KLHL1: variants seen among roughly 807,000 people sequenced by gnomAD.
KLHL1 encodes kelch-like protein 1.
A neutral mutation model predicts 77.7 loss-of-function variants in KLHL1; 47 were observed. The observed-to-expected ratio is 0.60, with a 90% CI of 0.48 to 0.77. The LOEUF is 0.77. Ranked by LOEUF, KLHL1 falls within the 30% of genes least tolerant of loss-of-function variation. The pLI is 0.00. For missense variants in KLHL1, 925 were observed against 910.8 expected, an observed-to-expected ratio of 1.02 and a Z score of -0.20; for synonymous variants, 360 against 325.2, an observed-to-expected ratio of 1.11 and a Z score of -1.15.
At chr13:70,000,511 A>G (rs2137324701) in intron 1 of KLHL1, among the ~76,000 whole-genome samples, 1 of 152,128 alleles carries the variant, frequency 6.6e-6, no homozygotes, top group South Asian at 2.1e-4. Context: ...ACTATTGCAT[A>G]TCAAAGTTTG....
intron 5 of KLHL1, among the ~76,000 whole-genome samples, chr13:69,855,962 A>T (rs1879903205): frequency 6.8e-6 from 1 of 147,448 alleles, no homozygotes; most frequent in Non-Finnish European, 1.5e-5. Context: ...ATGTTATAAC[A>T]TATATAATAT....
At chr13:70,039,433 T>C (rs977666637) in intron 1 of KLHL1, among the ~76,000 whole-genome samples, 1 of 152,224 alleles carries the variant, frequency 6.6e-6, no homozygotes, top group East Asian at 1.9e-4. Context: ...GAGTTTTGAG[T>C]GTCCTTTCAT....
chr13:69,965,389 C>T (rs937644175), intron 2 of KLHL1, among the ~76,000 whole-genome samples: 15 of 152,104 alleles, frequency 9.9e-5, no homozygotes, highest in Non-Finnish European at 1.3e-4. Context: ...TCTTGTTTGG[C>T]GGTGTCATAA....
At chr13:70,066,459 G>C (rs1887007287) in intron 1 of KLHL1, among the ~76,000 whole-genome samples, 1 of 152,162 alleles carries the variant, frequency 6.6e-6, no homozygotes, top group African/African-American at 2.4e-5. Flanking sequence ...TTTGATGCGT[G>C]ATTTATATAC....
chr13:69,967,603 C>G (rs559790660), intron 2 of KLHL1, among the ~76,000 whole-genome samples: 3 of 152,124 alleles, frequency 2.0e-5, no homozygotes, highest in Non-Finnish European at 4.4e-5. Flanking sequence ...TATTACACAA[C>G]CTGGTGGGGC....
intron 8 of KLHL1, among the ~76,000 whole-genome samples, chr13:69,731,395 G>T (rs2137914565): frequency 6.6e-6 from 1 of 152,232 alleles, no homozygotes; most frequent in Non-Finnish European, 1.5e-5. Context: ...AGAAGGTAAT[G>T]GAAGAACAAC....
chr13:69,704,572 A>G (rs1159520720), intron 10 of KLHL1, among the ~76,000 whole-genome samples: 1 of 151,756 alleles, frequency 6.6e-6, no homozygotes, highest in Admixed American at 6.6e-5. Context: ...TATTTCCTGA[A>G]AGAAGATTTC....
At chr13:70,099,117 A>G (rs1887862904) in intron 1 of KLHL1, among the ~76,000 whole-genome samples, 1 of 151,912 alleles carries the variant, frequency 6.6e-6, no homozygotes, top group African/African-American at 2.4e-5. Flanking sequence ...TACTTACACT[A>G]TTCTCTCTGA....
chr13:70,058,984 G>A (rs1404154571), intron 1 of KLHL1, among the ~76,000 whole-genome samples: 1 of 152,062 alleles, frequency 6.6e-6, no homozygotes, highest in Non-Finnish European at 1.5e-5. Context: ...TCAATAAATG[G>A]TGATGGGAAA....
Position 69,701,608 on chromosome 13 carries a change from A to G in KLHL1, c.*94T>C, listed in dbSNP as rs1875398442. Reference sequence around the variant, plus strand: ...ACGCTACAGAGATCCTTGTTCTTGAAGAGTTTTCATCTCTGGAAGTTCTCA... The same window carrying G: ...ACGCTACAGAGATCCTTGTTCTTGAGGAGTTTTCATCTCTGGAAGTTCTCA... On this transcript the variant is annotated 3_prime_UTR_variant, in exon 11 of 11. Transcript: ENST00000377844. The G allele has an allele frequency of 1.2e-6, 1 of 832,528 alleles. No homozygotes were observed. The highest frequency in any genetic ancestry group is 2.6e-5 in the East Asian group (1 of 38,044). The allele number at this position is 832,528 out of a possible 1,614,324, so 51.6% of individuals were successfully genotyped here.
At chr13:69,763,794 G>A (rs66915308) in intron 7 of KLHL1, among the ~76,000 whole-genome samples, 55,411 of 152,082 alleles carry the variant, frequency 0.36, 10,323 homozygotes, top group African/African-American at 0.43. Flanking sequence ...ATGCTTTGGA[G>A]TCAAACAGAA....
intron 6 of KLHL1, among the ~76,000 whole-genome samples, chr13:69,803,636 A>AG (rs1424526230): frequency 1.5e-4 from 23 of 152,148 alleles, no homozygotes; most frequent in Admixed American, 1.2e-3. Context: ...TGAAAGTGAG[A>AG]GATTTTCTTC....
At chr13:69,736,143 C>A (rs114484370) in intron 8 of KLHL1, among the ~76,000 whole-genome samples, 1,659 of 152,228 alleles carry the variant, frequency 0.011, 32 homozygotes, top group African/African-American at 0.037. Context: ...ATACCTCCAA[C>A]AAATGACTAA....
chr13:69,787,946 A>C (rs1462153599), intron 7 of KLHL1, among the ~76,000 whole-genome samples: 1 of 152,234 alleles, frequency 6.6e-6, no homozygotes, highest in Non-Finnish European at 1.5e-5. Flanking sequence ...GCAAATCAAA[A>C]CCACAATGAG....
chr13:70,066,391 G>A (rs886084322), intron 1 of KLHL1, among the ~76,000 whole-genome samples: 2 of 152,114 alleles, frequency 1.3e-5, no homozygotes, highest in Non-Finnish European at 2.9e-5. Context: ...CTAGAGATAA[G>A]AACTTAAGTA....
chr13:69,701,608 A>C lies in KLHL1; in HGVS notation c.*94T>G. The C allele has an allele frequency of 1.2e-6, 1 of 832,526 alleles. No individual in the cohort carries two copies. Among genetic ancestry groups the C allele is most frequent in the Non-Finnish European group, 2.0e-6 (1 of 505,280 alleles). The allele number at this position is 832,526 out of a possible 1,614,324, so 51.6% of individuals were successfully genotyped here. ...ACGCTACAGAGATCCTTGTTCTTGA[A>C]GAGTTTTCATCTCTGGAAGTTCTCA... is the stretch of plus-strand genomic sequence containing the variant. On this transcript the variant is annotated 3_prime_UTR_variant, in exon 11 of 11. Transcript: ENST00000377844.
chr13:70,028,788 G>A (rs182270814), intron 1 of KLHL1, among the ~76,000 whole-genome samples: 15 of 152,042 alleles, frequency 9.9e-5, no homozygotes, highest in African/African-American at 2.9e-4. Flanking sequence ...ACCAACCTTC[G>A]CAATGTGGCG....
intron 4 of KLHL1, among the ~76,000 whole-genome samples, chr13:69,936,503 T>A (rs1421073760): frequency 6.7e-6 from 1 of 149,492 alleles, no homozygotes; most frequent in Admixed American, 6.8e-5. Context: ...ACAGGAGAAT[T>A]GCCCGAACCT....
chr13:69,898,106 G>A (rs1881713462), intron 4 of KLHL1, among the ~76,000 whole-genome samples: 1 of 152,180 alleles, frequency 6.6e-6, no homozygotes, highest in Non-Finnish European at 1.5e-5. Context: ...AGATCTCAGA[G>A]TGTGGTTAAT....
Sources: gnomAD v4.1 joint callset for allele counts (sites outside exome capture counted in the v4.1 genomes callset) on GRCh38, gnomAD v4.1.1 for gene constraint, MANE v1.5 for transcripts, NCBI Gene and HGNC (gene_info 2026-07-23, HGNC 2026-07-21) for gene names.